TAAR1: variants seen among roughly 807,000 people sequenced by gnomAD.
The protein encoded by TAAR1 is trace amine-associated receptor 1.
A neutral mutation model predicts 1.2 loss-of-function variants in TAAR1; 1 was observed. The observed-to-expected ratio is 0.81, with a 90% CI of 0.29 to 3.86. The LOEUF (loss-of-function observed/expected upper bound fraction) is 3.86, where lower values mean the gene tolerates loss of function less well. TAAR1 is among the 30% of genes most tolerant of loss of function. The probability of loss-of-function intolerance (pLI) is 0.18; values close to 1 mark genes in which losing one functional copy is unlikely to be tolerated. For missense variants in TAAR1, 445 were observed against 405.6 expected (o/e 1.10, Z -0.83); for synonymous variants, 153 against 132.2 (o/e 1.16, Z -1.08).
chr6:132,657,334 A>T (rs2114291423), intron 1 of TAAR1, among the ~76,000 whole-genome samples: 1 of 152,150 alleles, frequency 6.6e-6, no homozygotes, highest in African/African-American at 2.4e-5. Flanking sequence ...TTTTTGTAAT[A>T]GCAACGAAAG....
chr6:132,653,603 A>T (rs904072056), intron 1 of TAAR1, among the ~76,000 whole-genome samples: 2 of 152,184 alleles, frequency 1.3e-5, no homozygotes, highest in African/African-American at 4.8e-5. Flanking sequence ...TTGCTCTAGA[A>T]CTTTTGATGG....
At chr6:132,647,662 AAG>A (rs1562203092) in intron 1 of TAAR1, among the ~76,000 whole-genome samples, 4 of 148,390 alleles carry the variant, frequency 2.7e-5, no homozygotes, top group African/African-American at 1.0e-4. Context: ...GAAAGAAAGA[AAG>A]AAAGAAAGAA....
Position 132,644,888 on chromosome 6 carries a change from A to T in TAAR1, c.*96T>A, listed in dbSNP as rs369361634. The stretch of plus-strand genomic sequence containing the variant: ...ATACTTTGACTCAAGTAACTGATTT[A>T]AAAAAAAATCCATGTGGTTGGTGCA... On this transcript the variant is annotated 3_prime_UTR_variant, in exon 2 of 2. Transcript: ENST00000275216. 2.7e-4 allele frequency: 269 copies of T among 978,936 alleles called. No homozygotes were observed. The African/African-American group carries it at 3.8e-3, about 14-fold the overall frequency. 60.6% of individuals were successfully genotyped at this position (978,936 alleles called of 1,614,324 possible).
chr6:132,647,680 G>GAAGA (rs1220462738), intron 1 of TAAR1, among the ~76,000 whole-genome samples: 2 of 140,784 alleles, frequency 1.4e-5, no homozygotes, highest in African/African-American at 5.1e-5. Context: ...AAGAAAGAAA[G>GAAGA]AAGAAAGAAA....
At chr6:132,650,978 C>A (rs1209508768) in intron 1 of TAAR1, among the ~76,000 whole-genome samples, 1 of 151,624 alleles carries the variant, frequency 6.6e-6, no homozygotes, top group Non-Finnish European at 1.5e-5. Flanking sequence ...TTCCTCTAAT[C>A]CTATCTCTTA....
chr6:132,643,871 T>G lies in TAAR1; in HGVS notation c.*1113A>C, dbSNP rs1777626998. On this transcript the variant is annotated 3_prime_UTR_variant, in exon 2 of 2. Coordinates refer to ENST00000275216, the MANE Select transcript of TAAR1 (RefSeq NM_138327.4). Reference sequence around the variant, plus strand: ...GCCATCTAAATAGCCATGGTACATCTAGTCTGATTATACTTCTTGTTGGCC... The same window carrying G: ...GCCATCTAAATAGCCATGGTACATCGAGTCTGATTATACTTCTTGTTGGCC... Among the ~76,000 whole-genome samples, 1 of 152,020 alleles carries G rather than the reference T, an allele frequency of 6.6e-6. No homozygotes were observed. The highest frequency in any genetic ancestry group is 2.1e-4 in the South Asian group (1 of 4,834).
At chr6:132,649,327 G>A (rs1019462754) in intron 1 of TAAR1, among the ~76,000 whole-genome samples, 25 of 152,116 alleles carry the variant, frequency 1.6e-4, no homozygotes, top group African/African-American at 4.6e-4. Context: ...TGTCAATGGC[G>A]GCTGTTTTCT....
chr6:132,656,451 T>C lies in TAAR1; in HGVS notation c.-127+2679A>G, dbSNP rs1016231198. Among the ~76,000 whole-genome samples, 8 of 152,020 alleles carry C rather than the reference T, an allele frequency of 5.3e-5. No homozygotes were observed. In the South Asian group the frequency reaches 1.5e-3, roughly 28 times the overall value. On this transcript the variant is annotated intron_variant, in intron 1 of 1. Coordinates refer to ENST00000275216, the MANE Select transcript of TAAR1 (RefSeq NM_138327.4). The stretch of plus-strand genomic sequence containing the variant: ...GAGGGAGAGACAATAAGATGAAATA[T>C]ATATATAGAAGTAGGATGTCAGAAG...
intron 1 of TAAR1, among the ~76,000 whole-genome samples, chr6:132,648,732 A>C (rs1474355081): frequency 6.6e-6 from 1 of 152,180 alleles, no homozygotes; most frequent in African/African-American, 2.4e-5. Context: ...GTGAGTTGAA[A>C]GCTTATCTAA....
chr6:132,654,787 C>A (rs530263262), intron 1 of TAAR1, among the ~76,000 whole-genome samples: 1 of 152,164 alleles, frequency 6.6e-6, no homozygotes, highest in Non-Finnish European at 1.5e-5. Flanking sequence ...GGAAACTGAG[C>A]CATGAAAGGA....
chr6:132,649,581 A>T (rs1214075958), intron 1 of TAAR1, among the ~76,000 whole-genome samples: 5 of 152,136 alleles, frequency 3.3e-5, no homozygotes, highest in Non-Finnish European at 7.4e-5. Flanking sequence ...CAGGGCTGGG[A>T]AGGCCTCAGG....
At chr6:132,653,754 T>A (rs1473116950) in intron 1 of TAAR1, among the ~76,000 whole-genome samples, 2 of 152,220 alleles carry the variant, frequency 1.3e-5, no homozygotes, top group Admixed American at 1.3e-4. Flanking sequence ...TGTTTTACGA[T>A]CTCTTATTGA....
rs146281183 is a variant in TAAR1 at position 132,644,801 on chromosome 6, G to A, written c.*183C>T. ...TTATGTGTGGTAAGAATGGAAAAGC[G>A]TATACCTACTATGTCCCAAATAGGA... On this transcript the variant is annotated 3_prime_UTR_variant, in exon 2 of 2. Coordinates refer to ENST00000275216, the MANE Select transcript of TAAR1 (RefSeq NM_138327.4). 9.1e-4 allele frequency among the ~76,000 whole-genome samples: 139 copies of A among 151,962 alleles called. 1 individual carries two copies. The East Asian group carries it at 0.017, about 18-fold the overall frequency.
rs573087672 is a variant in TAAR1, at chr6:132,654,623, C to T, written c.-127+4507G>A. On this transcript the variant is annotated intron_variant, in intron 1 of 1. Coordinates refer to ENST00000275216, the MANE Select transcript of TAAR1 (RefSeq NM_138327.4). The stretch of plus-strand genomic sequence containing the variant: ...GTTAAATATGGGAAATATGACTTTA[C>T]GATATATTCAAGGGCTTATAGCACC... 8.5e-5 allele frequency among the ~76,000 whole-genome samples: 13 copies of T among 152,146 alleles called. 1 individual carries two copies. In the South Asian group the frequency reaches 2.1e-3, roughly 24 times the overall value.
chr6:132,647,353 C>T (rs970893358), intron 1 of TAAR1, among the ~76,000 whole-genome samples: 1 of 107,882 alleles, frequency 9.3e-6, no homozygotes, highest in Non-Finnish European at 1.9e-5. Flanking sequence ...TACACACACA[C>T]ATACGCATGC....
chr6:132,651,475 C>T (rs577140105), intron 1 of TAAR1, among the ~76,000 whole-genome samples: 21 of 152,294 alleles, frequency 1.4e-4, no homozygotes, highest in African/African-American at 4.8e-4. Context: ...ATATCTAGAA[C>T]ATGACAACTC....
chr6:132,645,389 A>G lies in TAAR1; in HGVS notation c.615T>C (p.Ile205=), dbSNP rs1293776130. 6.2e-7 allele frequency: 1 copy of G among 1,613,654 alleles called. No individual in the cohort carries two copies. The highest frequency in any genetic ancestry group is 8.5e-7 in the Non-Finnish European group (1 of 1,179,788). ...FMTSFYIPGS[I]MLCVYYRIYL... ...ATATTCTGTAATAGACACATAACAT[A>G]ATAGATCCAGGTATATAAAAAGAAG... Residue 205 remains isoleucine (I), a synonymous_variant, in exon 2 of 2, where the codon ATT becomes ATC. Coordinates refer to ENST00000275216, the MANE Select transcript of TAAR1 (RefSeq NM_138327.4).
At position 132,645,301 on chromosome 6, in the gene TAAR1, A is replaced by G; in HGVS notation, c.703T>C (p.Leu235=). The G allele has an allele frequency of 6.2e-7, 1 of 1,613,560 alleles. No individual in the cohort carries two copies. Residue 235 remains leucine, a synonymous_variant, in exon 2 of 2, where the codon TTG becomes CTG. Transcript: ENST00000275216. ...TGTGAAATTCCATTTTTCATTTCCA[A>G]TCCAATTTGGAGCTTCTGATTGGCA... is the stretch of plus-strand genomic sequence containing the variant. The part of the protein sequence containing the change: ...SDANQKLQIG[L]EMKNGISQSK...
intron 1 of TAAR1, among the ~76,000 whole-genome samples, chr6:132,653,056 C>T (rs76803831): frequency 3.9e-4 from 59 of 152,164 alleles, no homozygotes; most frequent in East Asian, 1.7e-3. Flanking sequence ...CTAGGGGAGG[C>T]GGCAGTTGTG....
Sources: gnomAD v4.1 joint callset for allele counts (sites outside exome capture counted in the v4.1 genomes callset) on GRCh38, gnomAD v4.1.1 for gene constraint, MANE v1.5 for transcripts, NCBI Gene and HGNC (gene_info 2026-07-23, HGNC 2026-07-21) for gene names.